The following PDGFC variants were observed in gnomAD, a reference collection of about 807,000 sequenced individuals.
PDGFC encodes platelet-derived growth factor C.
A neutral mutation model predicts 35.5 loss-of-function variants in PDGFC; 12 were observed. The ratio of observed to expected loss-of-function variants is 0.34; its 90% CI spans 0.22 to 0.55. PDGFC has a LOEUF of 0.55. PDGFC is among the 20% of genes least tolerant of loss of function. The pLI is 0.91. For synonymous variants in PDGFC, 159 were observed against 148.8 expected (o/e 1.07, Z -0.50); for missense variants, 322 against 412.4 (o/e 0.78, Z 1.90).
intron 2 of PDGFC, among the ~76,000 whole-genome samples, chr4:156,846,995 C>G (rs564519729): frequency 6.6e-6 from 1 of 151,346 alleles, no homozygotes; most frequent in Admixed American, 6.6e-5. Context: ...ATAGATTTTG[C>G]TTATAACACA....
intron 1 of PDGFC, among the ~76,000 whole-genome samples, chr4:156,935,179 A>G (rs868587608): frequency 4.6e-5 from 7 of 151,868 alleles, no homozygotes; most frequent in South Asian, 2.1e-4. Flanking sequence ...TGTATTTTTC[A>G]TACAGACGGG....
chr4:156,860,208 A>G (rs1729677460), intron 1 of PDGFC, among the ~76,000 whole-genome samples: 2 of 152,172 alleles, frequency 1.3e-5, no homozygotes, highest in African/African-American at 4.8e-5. Flanking sequence ...TTATTGAAAA[A>G]TACCTACTTC....
At chr4:156,959,230 T>C (rs1732281414) in intron 1 of PDGFC, among the ~76,000 whole-genome samples, 1 of 152,004 alleles carries the variant, frequency 6.6e-6, no homozygotes, top group South Asian at 2.1e-4. Context: ...AAAATAGCAA[T>C]AATGGATTTC....
At chr4:156,813,229 G>A (rs548171465) in intron 2 of PDGFC, among the ~76,000 whole-genome samples, 5 of 152,236 alleles carry the variant, frequency 3.3e-5, no homozygotes, top group African/African-American at 1.2e-4. Flanking sequence ...ATAAGGATCT[G>A]TTTGTTCTGT....
At chr4:156,783,925 G>A (rs1177319277) in intron 3 of PDGFC, among the ~76,000 whole-genome samples, 2 of 152,178 alleles carry the variant, frequency 1.3e-5, no homozygotes, top group African/African-American at 2.4e-5. Context: ...ATCAGGGAGA[G>A]AAGAGATATG....
At chr4:156,777,566 G>A (rs899571654) in intron 3 of PDGFC, among the ~76,000 whole-genome samples, 2 of 152,130 alleles carry the variant, frequency 1.3e-5, no homozygotes, top group Admixed American at 6.5e-5. Flanking sequence ...AAGTATAGGA[G>A]AGAGGTGTCA....
intron 1 of PDGFC, chr4:156,876,539 A>G (rs996227195): frequency 7.2e-5 from 11 of 152,208 alleles, no homozygotes; most frequent in African/African-American, 2.7e-4. Flanking sequence ...GGAAATACAC[A>G]TGACTGCAGG....
At chr4:156,881,425 T>C (rs1291749595) in intron 1 of PDGFC, among the ~76,000 whole-genome samples, 7 of 152,174 alleles carry the variant, frequency 4.6e-5, no homozygotes, top group Non-Finnish European at 7.3e-5. Flanking sequence ...TTTGGCTCTG[T>C]GTTCCCACCC....
intron 1 of PDGFC, among the ~76,000 whole-genome samples, chr4:156,946,785 G>A (rs1323386256): frequency 1.3e-5 from 2 of 151,918 alleles, no homozygotes; most frequent in African/African-American, 2.4e-5. Flanking sequence ...AGAAGGAGAG[G>A]GCTAGGCAAC....
At chr4:156,781,242 T>A (rs1361248697) in intron 3 of PDGFC, among the ~76,000 whole-genome samples, 1 of 152,144 alleles carries the variant, frequency 6.6e-6, no homozygotes, top group Non-Finnish European at 1.5e-5. Flanking sequence ...CTTCATACTA[T>A]GTCTGGAATC....
At chr4:156,940,840 A>G (rs562110018) in intron 1 of PDGFC, among the ~76,000 whole-genome samples, 9 of 152,306 alleles carry the variant, frequency 5.9e-5, no homozygotes, top group African/African-American at 1.7e-4. Context: ...AGTAAGCCAG[A>G]CATAAGCAAA....
At chr4:156,829,417 A>C (rs1728870988) in intron 2 of PDGFC, among the ~76,000 whole-genome samples, 1 of 152,192 alleles carries the variant, frequency 6.6e-6, no homozygotes. Flanking sequence ...GGAAATAAGA[A>C]ATTCTAGGCC....
intron 4 of PDGFC, 147 bp downstream of exon 4, chr4:156,772,539 T>C (rs974422705): frequency 1.4e-5 from 8 of 573,724 alleles, no homozygotes; most frequent in African/African-American, 3.7e-5. Context: ...TTATTCAATA[T>C]ATAAATATGC....
intron 3 of PDGFC, among the ~76,000 whole-genome samples, chr4:156,784,791 A>G (rs1234115513): frequency 6.6e-6 from 1 of 152,208 alleles, no homozygotes. Context: ...AAAATGTCAA[A>G]GTATTTCTGT....
At chr4:156,885,069 G>C (rs183977721) in intron 1 of PDGFC, among the ~76,000 whole-genome samples, 1 of 151,620 alleles carries the variant, frequency 6.6e-6, no homozygotes, top group Non-Finnish European at 1.5e-5. Flanking sequence ...AATGTTTCTG[G>C]TGTTAGACAT....
At chr4:156,789,976 C>CAAAAAAA (rs750843965) in intron 3 of PDGFC, among the ~76,000 whole-genome samples, 20 of 55,886 alleles carry the variant, frequency 3.6e-4, no homozygotes, top group East Asian at 1.1e-3. Context: ...GTCTCCATCT[C>CAAAAAAA]AAAAAAAAAA....
Position 156,763,059 on chromosome 4 carries a change from C to A in PDGFC, c.*31G>T. 2 of 1,139,826 alleles carry A rather than the reference C, an allele frequency of 1.8e-6. No homozygotes were observed. Among genetic ancestry groups the A allele is most frequent in the Non-Finnish European group, 2.7e-6 (2 of 746,800 alleles). 70.6% of individuals were successfully genotyped at this position (1,139,826 alleles called of 1,614,324 possible). A position where few individuals can be genotyped will look rare whatever the true frequency, so the allele number is the denominator to read the frequency against. ...TAGAATCAGCCACTGCACTGCACAG[C>A]TCTGGGCAAGAGCTGCTGGTGGTGA... On this transcript the variant is annotated 3_prime_UTR_variant, in exon 6 of 6. Coordinates refer to ENST00000502773, the MANE Select transcript of PDGFC (RefSeq NM_016205.3).
At chr4:156,847,665 T>C (rs1345591706) in intron 2 of PDGFC, among the ~76,000 whole-genome samples, 2 of 82,270 alleles carry the variant, frequency 2.4e-5, no homozygotes, top group African/African-American at 9.5e-5. Flanking sequence ...TGCCAAAGTA[T>C]GTAGGATGCT....
intron 2 of PDGFC, among the ~76,000 whole-genome samples, chr4:156,839,029 A>G (rs1729135011): frequency 6.6e-6 from 1 of 152,162 alleles, no homozygotes; most frequent in Non-Finnish European, 1.5e-5. Flanking sequence ...GATGGTGAGG[A>G]TGTGGGGGTT....
Sources: gnomAD v4.1 joint callset for allele counts (sites outside exome capture counted in the v4.1 genomes callset) on GRCh38, gnomAD v4.1.1 for gene constraint, MANE v1.5 for transcripts, NCBI Gene and HGNC (gene_info 2026-07-23, HGNC 2026-07-21) for gene names.